Variants in APC observed in about 807,000 individuals in gnomAD.
APC encodes the protein adenomatous polyposis coli protein.
Under a neutral mutation model 247.0 loss-of-function variants are expected in APC, and 72 were observed. That is an observed-to-expected ratio of 0.29 (90% CI 0.24 to 0.35). APC has a LOEUF of 0.35. APC is among the 10% of genes least tolerant of loss of function. APC has a pLI of 1.00. For missense variants in APC, 3,400 were observed against 3,360.7 expected, an observed-to-expected ratio of 1.01 and a Z score of -0.29; for synonymous variants, 1,254 against 1,162.5, an observed-to-expected ratio of 1.08 and a Z score of -1.60.
chr5:112,823,985 GAT>G (rs1250701139), intron 11 of APC, among the ~76,000 whole-genome samples: 4 of 152,284 alleles, frequency 2.6e-5, no homozygotes, highest in African/African-American at 7.2e-5. Flanking sequence ...TTGAGCCTGT[GAT>G]ATTTATTTTA....
intron 2 of APC, among the ~76,000 whole-genome samples, chr5:112,756,545 A>G (rs954380724): frequency 2.6e-5 from 4 of 152,160 alleles, no homozygotes; most frequent in African/African-American, 7.2e-5. Context: ...TCTTTCATCT[A>G]CTTTAGTATG....
At chr5:112,795,462 C>T (rs1238432611) in intron 7 of APC, among the ~76,000 whole-genome samples, 1 of 152,164 alleles carries the variant, frequency 6.6e-6, no homozygotes, top group Non-Finnish European at 1.5e-5. Context: ...CGATTTCCAG[C>T]CTCCTTCTCT....
At chr5:112,804,671 C>A (rs567448726) in intron 8 of APC, among the ~76,000 whole-genome samples, 1 of 152,204 alleles carries the variant, frequency 6.6e-6, no homozygotes, top group South Asian at 2.1e-4. Flanking sequence ...AGCCACTGCG[C>A]CCGGCCAATT....
intron 8 of APC, among the ~76,000 whole-genome samples, chr5:112,810,531 A>C (rs1012272075): frequency 1.3e-5 from 2 of 152,214 alleles, no homozygotes; most frequent in Non-Finnish European, 2.9e-5. Flanking sequence ...TGTATTGGTG[A>C]CCATAAATGT....
At chr5:112,786,015 A>G (rs139946212) in intron 6 of APC, among the ~76,000 whole-genome samples, 1 of 152,224 alleles carries the variant, frequency 6.6e-6, no homozygotes, top group African/African-American at 2.4e-5. Flanking sequence ...CTTATAACAC[A>G]TAAAGGGGAA....
chr5:112,709,270 T>C (rs1327841681), intron 1 of APC, among the ~76,000 whole-genome samples: 2 of 152,256 alleles, frequency 1.3e-5, no homozygotes, highest in African/African-American at 2.4e-5. Flanking sequence ...CTTTTCATTC[T>C]GTCTCATAAC....
At chr5:112,836,179 C>A (rs868016517) in intron 15 of APC, among the ~76,000 whole-genome samples, 5 of 64,794 alleles carry the variant, frequency 7.7e-5, no homozygotes, top group African/African-American at 2.1e-4. Flanking sequence ...CCCCCCCCCC[C>A]GCCACCGTGC....
chr5:112,809,385 G>A (rs1761749435), intron 8 of APC, among the ~76,000 whole-genome samples: 1 of 151,716 alleles, frequency 6.6e-6, no homozygotes, highest in Non-Finnish European at 1.5e-5. Context: ...AGAAATGTGA[G>A]GTAGGCTATT....
At chr5:112,733,073 T>G (rs1440956444), upstream of APC, among the ~76,000 whole-genome samples, 1 of 152,224 alleles carries the variant, frequency 6.6e-6, no homozygotes, top group Admixed American at 6.5e-5. Context: ...AACCTAAGTC[T>G]TCAATCTCCA....
chr5:112,762,041 AC>A (rs1179222679), intron 2 of APC, among the ~76,000 whole-genome samples: 2 of 152,208 alleles, frequency 1.3e-5, no homozygotes, highest in African/African-American at 4.8e-5. Context: ...TATAAATCCC[AC>A]AAACCAGTAA....
intron 8 of APC, among the ~76,000 whole-genome samples, chr5:112,803,959 C>A (rs1761104209): frequency 6.6e-6 from 1 of 152,222 alleles, no homozygotes; most frequent in Non-Finnish European, 1.5e-5. Flanking sequence ...CCAGATTCTT[C>A]ATGTTGCTTA....
At chr5:112,707,506 G>T, upstream of APC, 1 of 454,168 alleles carries the variant, frequency 2.2e-6, no homozygotes, top group South Asian at 2.0e-5. Context: ...GCGCATTGTA[G>T]TCTTCCCACC....
At chr5:112,747,820 A>G (rs1753860140) in intron 1 of APC, among the ~76,000 whole-genome samples, 1 of 152,210 alleles carries the variant, frequency 6.6e-6, no homozygotes, top group Non-Finnish European at 1.5e-5. Flanking sequence ...GAAATTTAGT[A>G]TTTAAAAGTA....
At chr5:112,752,833 A>G (rs928898778) in intron 1 of APC, among the ~76,000 whole-genome samples, 2 of 152,178 alleles carry the variant, frequency 1.3e-5, no homozygotes, top group African/African-American at 2.4e-5. Context: ...TAGAGCAGAA[A>G]GAACTTTAAT....
chr5:112,759,455 T>A (rs1755406515), intron 2 of APC, among the ~76,000 whole-genome samples: 1 of 151,296 alleles, frequency 6.6e-6, no homozygotes, highest in African/African-American at 2.4e-5. Flanking sequence ...CCTCCCGGGT[T>A]CAAGCTAATC....
At chr5:112,797,741 A>G (rs977480873) in intron 7 of APC, among the ~76,000 whole-genome samples, 1 of 152,234 alleles carries the variant, frequency 6.6e-6, no homozygotes, top group African/African-American at 2.4e-5. Context: ...CTCATTAATA[A>G]AGATAAATAC....
intron 1 of APC, among the ~76,000 whole-genome samples, chr5:112,721,841 A>G (rs1228996414): frequency 6.6e-6 from 1 of 152,174 alleles, no homozygotes; most frequent in African/African-American, 2.4e-5. Context: ...GGCCACACAT[A>G]AAATACACTA....
upstream of APC, among the ~76,000 whole-genome samples, chr5:112,735,988 T>C (rs1752361292): frequency 6.6e-6 from 1 of 152,218 alleles, no homozygotes; most frequent in Non-Finnish European, 1.5e-5. Flanking sequence ...AGGCTTACAA[T>C]TGTGTCTTAG....
intron 1 of APC, chr5:112,707,916 C>A (rs747082708): frequency 3.7e-6 from 5 of 1,335,746 alleles, no homozygotes; most frequent in Non-Finnish European, 3.9e-6. Flanking sequence ...CGTCTCCTCC[C>A]GGCAAAGCTT....
Sources: allele counts gnomAD v4.1 joint callset (sites outside exome capture counted in the v4.1 genomes callset), GRCh38; gene constraint gnomAD v4.1.1; transcripts MANE v1.5; gene names NCBI Gene and HGNC (gene_info 2026-07-23, HGNC 2026-07-21).